The following MAST4 variants were observed in gnomAD, a reference collection of about 807,000 sequenced individuals.
The protein encoded by MAST4 is microtubule associated serine/threonine kinase family member 4.
MAST4 carries 89 observed loss-of-function variants against 162.7 expected under a neutral mutation model. The observed-to-expected ratio is 0.55, with a 90% CI of 0.46 to 0.65. The LOEUF is 0.65. Among genes scored for constraint, MAST4 ranks in the 30% least tolerant of loss-of-function variants. The probability of loss-of-function intolerance (pLI) is 0.00; values close to 1 mark genes in which losing one functional copy is unlikely to be tolerated. For synonymous variants in MAST4, 1,479 were observed against 1,361.1 expected (o/e 1.09, Z -1.91); for missense variants, 3,153 against 3,374.0 (o/e 0.93, Z 1.62).
chr5:66,751,262 G>C lies in MAST4; in HGVS notation c.364-8447G>C, dbSNP rs1475570158. ...GCCTCTCCTCCTCCAAAGGAATGCAGTTCCTCACCAGCAACGGAACAAAGC... is the reference window on the plus strand; with the variant it reads ...GCCTCTCCTCCTCCAAAGGAATGCACTTCCTCACCAGCAACGGAACAAAGC... On this transcript the variant is annotated intron_variant, in intron 1 of 28. Transcript: ENST00000403625. Among the ~76,000 whole-genome samples the C allele has an allele frequency of 2.0e-5, 3 of 152,196 alleles. No individual in the cohort carries two copies. The South Asian group carries it at 6.2e-4, about 32-fold the overall frequency.
At chr5:66,655,920 A>G (rs573125111) in intron 1 of MAST4, among the ~76,000 whole-genome samples, 3 of 152,370 alleles carry the variant, frequency 2.0e-5, no homozygotes, top group Admixed American at 6.5e-5. Context: ...TGTTAGCAAT[A>G]TCTCCCCCTG....
intron 1 of MAST4, among the ~76,000 whole-genome samples, chr5:66,641,761 A>T (rs536634061): frequency 2.0e-5 from 3 of 151,832 alleles, no homozygotes; most frequent in African/African-American, 7.3e-5. Context: ...CAGTTTGGAG[A>T]TCAATAAAAA....
chr5:66,854,815 ATCAGTTAGAAGAG>A (rs1759558221), intron 3 of MAST4, among the ~76,000 whole-genome samples: 1 of 152,104 alleles, frequency 6.6e-6, no homozygotes, highest in African/African-American at 2.4e-5. Flanking sequence ...ATGCTGCCCT[ATCAGTTAGAAGAG>A]GAAAAAGATG....
At chr5:67,112,566 T>G (rs1425103541) in intron 11 of MAST4, among the ~76,000 whole-genome samples, 1 of 151,980 alleles carries the variant, frequency 6.6e-6, no homozygotes, top group Non-Finnish European at 1.5e-5. Context: ...TTTGCTAGAG[T>G]GGTTCACAGA....
At chr5:66,632,178 T>C (rs1443539877) in intron 1 of MAST4, among the ~76,000 whole-genome samples, 1 of 152,218 alleles carries the variant, frequency 6.6e-6, no homozygotes, top group African/African-American at 2.4e-5. Flanking sequence ...CTTCAGAATA[T>C]GGTGCTATTG....
chr5:66,750,963 T>A (rs536411962), intron 1 of MAST4, among the ~76,000 whole-genome samples: 1 of 152,344 alleles, frequency 6.6e-6, no homozygotes, highest in South Asian at 2.1e-4. Context: ...ACAGGCAGAC[T>A]GCCTTCTCAA....
At chr5:67,157,640 T>TG (rs1561186162) in intron 26 of MAST4, among the ~76,000 whole-genome samples, 1 of 152,148 alleles carries the variant, frequency 6.6e-6, no homozygotes, top group Non-Finnish European at 1.5e-5. Context: ...TGGAGAGGAC[T>TG]GGGGGGCATT....
chr5:66,765,074 AGTTGCATGCT>A lies in MAST4; in HGVS notation c.517+5213_517+5222del, dbSNP rs376651917. Among the ~76,000 whole-genome samples the A allele has an allele frequency of 4.0e-4, 61 of 152,328 alleles. No homozygotes were observed. In the East Asian group the frequency reaches 0.012, roughly 29 times the overall value. The stretch of plus-strand genomic sequence containing the variant: ...TGCAGTTGCCTACAGTATTAGGTGC[AGTTGCATGCT>A]ATACACGTTTGTAGCCTAGGAGTAA... On this transcript the variant is annotated intron_variant, in intron 2 of 28. Transcript: ENST00000403625.
intron 1 of MAST4, among the ~76,000 whole-genome samples, chr5:66,724,200 C>A (rs1468903316): frequency 6.6e-6 from 1 of 152,114 alleles, no homozygotes; most frequent in African/African-American, 2.4e-5. Context: ...TATTCTCTTT[C>A]CTTTTACAAC....
intron 4 of MAST4, among the ~76,000 whole-genome samples, chr5:66,942,384 A>G (rs1026324733): frequency 6.6e-6 from 1 of 152,190 alleles, no homozygotes; most frequent in Non-Finnish European, 1.5e-5. Context: ...ATGGTAATTT[A>G]GCTTGATGAC....
intron 3 of MAST4, among the ~76,000 whole-genome samples, chr5:66,879,204 G>A (rs1282950169): frequency 2.0e-5 from 3 of 152,162 alleles, no homozygotes; most frequent in South Asian, 4.2e-4. Flanking sequence ...GCGTGGACCC[G>A]GGAGGCGGAG....
intron 3 of MAST4, among the ~76,000 whole-genome samples, chr5:66,887,074 C>A (rs1762088531): frequency 6.6e-6 from 1 of 151,996 alleles, no homozygotes; most frequent in Non-Finnish European, 1.5e-5. Flanking sequence ...AAAAACGAAA[C>A]AAAACAAAAA....
intron 4 of MAST4, among the ~76,000 whole-genome samples, chr5:66,980,267 C>G (rs1748630390): frequency 6.6e-6 from 1 of 152,166 alleles, no homozygotes; most frequent in Non-Finnish European, 1.5e-5. Flanking sequence ...ATGACAACGC[C>G]TCACACTTGG....
At chr5:66,834,305 G>T (rs552151569) in intron 3 of MAST4, among the ~76,000 whole-genome samples, 1 of 152,186 alleles carries the variant, frequency 6.6e-6, no homozygotes, top group Non-Finnish European at 1.5e-5. Context: ...AACAGTTATA[G>T]AACCCGGAGA....
intron 3 of MAST4, among the ~76,000 whole-genome samples, chr5:66,836,951 C>A (rs368813053): frequency 1.3e-5 from 2 of 151,470 alleles, no homozygotes; most frequent in East Asian, 3.9e-4. Context: ...GTTAAAAAAG[C>A]AAATAAAATG....
At chr5:67,023,655 C>T (rs926107684) in intron 4 of MAST4, among the ~76,000 whole-genome samples, 3 of 152,104 alleles carry the variant, frequency 2.0e-5, no homozygotes, top group Non-Finnish European at 4.4e-5. Context: ...ATCCTCCTAA[C>T]CCAATGGCTG....
chr5:66,905,434 A>C (rs1395548079), intron 4 of MAST4, among the ~76,000 whole-genome samples: 1 of 152,196 alleles, frequency 6.6e-6, no homozygotes, highest in African/African-American at 2.4e-5. Context: ...AGAGCATTCA[A>C]ATTATCCCAG....
At chr5:66,868,056 A>G (rs930192149) in intron 3 of MAST4, among the ~76,000 whole-genome samples, 2 of 152,234 alleles carry the variant, frequency 1.3e-5, no homozygotes, top group African/African-American at 4.8e-5. Context: ...TATGTGAACA[A>G]ACCTGTTATA....
intron 3 of MAST4, among the ~76,000 whole-genome samples, chr5:66,892,859 A>G (rs1264283715): frequency 3.9e-5 from 6 of 152,148 alleles, no homozygotes; most frequent in Non-Finnish European, 7.3e-5. Flanking sequence ...TGGGCTTTCC[A>G]TGGGAAGACT....
Sources: gnomAD v4.1 joint callset for allele counts (sites outside exome capture counted in the v4.1 genomes callset) on GRCh38, gnomAD v4.1.1 for gene constraint, MANE v1.5 for transcripts, NCBI Gene and HGNC (gene_info 2026-07-23, HGNC 2026-07-21) for gene names.